The following MED15 variants were observed in gnomAD, a reference collection of about 807,000 sequenced individuals.
MED15 encodes the protein mediator complex subunit 15, also known as mediator of RNA polymerase II transcription subunit 15.
In MED15, 41 loss-of-function variants were observed where a neutral mutation model predicts 118.7. The observed-to-expected ratio is 0.35, with a 90% confidence interval of 0.27 to 0.45. The LOEUF is 0.45. Ranked by LOEUF, MED15 falls within the 20% of genes least tolerant of loss-of-function variation. The pLI, the probability that MED15 is intolerant of heterozygous loss-of-function variation, is 1.00. For missense variants in MED15, 740 were observed against 1,025.5 expected, an observed-to-expected ratio of 0.72 and a Z score of 3.80; for synonymous variants, 436 against 413.9, an observed-to-expected ratio of 1.05 and a Z score of -0.65.
intron 2 of MED15, among the ~76,000 whole-genome samples, chr22:20,545,418 G>A (rs12484159): frequency 0.06 from 8,797 of 147,100 alleles, 601 homozygotes; most frequent in East Asian, 0.38. Flanking sequence ...AGTGGAGGTT[G>A]CAGTGAGCTG....
chr22:20,528,215 A>C (rs1407062726), intron 1 of MED15, among the ~76,000 whole-genome samples: 4 of 152,130 alleles, frequency 2.6e-5, no homozygotes, highest in Admixed American at 2.0e-4. Context: ...AGTCTCTTCC[A>C]GCACGTGGAG....
At chr22:20,578,811 T>G (rs2056895688) in intron 9 of MED15, among the ~76,000 whole-genome samples, 1 of 152,226 alleles carries the variant, frequency 6.6e-6, no homozygotes, top group Non-Finnish European at 1.5e-5. Context: ...GCTCTTTCCT[T>G]GTGGCAACAA....
intron 8 of MED15, among the ~76,000 whole-genome samples, chr22:20,569,819 G>A (rs1460217564): frequency 6.6e-6 from 1 of 152,110 alleles, no homozygotes; most frequent in Non-Finnish European, 1.5e-5. Context: ...GTGTGATGAG[G>A]TTGGAGGTCT....
intron 1 of MED15, chr22:20,508,274 T>C (rs2053941368): frequency 1.5e-6 from 2 of 1,298,528 alleles, no homozygotes; most frequent in African/African-American, 3.0e-5. Context: ...TGCCGAAGGA[T>C]GGCAGGAAGC....
In MED15 at chr22:20,568,625, A is replaced by C; in HGVS notation, c.1146A>C (p.Gly382=). 6.2e-7 allele frequency: 1 copy of C among 1,613,144 alleles called. No individual in the cohort carries two copies. The change falls in exon 8 of 18, where the codon GGA becomes GGC. Residue 382 remains glycine (G), a synonymous_variant. Transcript: ENST00000263205. Reference sequence around the variant, plus strand: ...AGGCTGCCCAGATGGTGGCTCCCGGAGTCCAGGTGAGGGCCTGGGGGTGGA... The same window carrying C: ...AGGCTGCCCAGATGGTGGCTCCCGGCGTCCAGGTGAGGGCCTGGGGGTGGA... The part of the protein sequence containing the change: ...TAQAAQMVAP[G]VQMITEALAQ...
At chr22:20,533,172 G>A (rs1171886877) in intron 1 of MED15, among the ~76,000 whole-genome samples, 3 of 152,100 alleles carry the variant, frequency 2.0e-5, no homozygotes, top group East Asian at 1.9e-4. Flanking sequence ...GCAGCCTCCC[G>A]CAGCGGGTGT....
At chr22:20,586,471 C>T (rs899750677) in intron 17 of MED15, 97 bp from the exon 18 acceptor site, 15 of 1,535,718 alleles carry the variant, frequency 9.8e-6, no homozygotes, top group African/African-American at 1.4e-5. Context: ...TGCTTCGGCC[C>T]GCGCCTGGGG....
chr22:20,568,942 C>T (rs933863012), intron 8 of MED15, among the ~76,000 whole-genome samples: 2 of 152,168 alleles, frequency 1.3e-5, no homozygotes, highest in Admixed American at 1.3e-4. Context: ...GAGTAGAAGG[C>T]TGCAGTTTTC....
chr22:20,514,572 G>A (rs575325842), intron 1 of MED15, among the ~76,000 whole-genome samples: 1 of 152,282 alleles, frequency 6.6e-6, no homozygotes, highest in South Asian at 2.1e-4. Flanking sequence ...GCTGGGGAAG[G>A]ACAGTCCAGT....
Position 20,585,102 on chromosome 22 carries a change from G to A in MED15, c.1966G>A (p.Ala656Thr). Residue 656 changes from alanine (A) to threonine (T), a missense_variant and splice_region_variant, in exon 16 of 18, where the codon GCC becomes ACC. This residue lies in a region of MED15 where 179 missense variants were observed against 259.0 expected (regional missense o/e 0.69). Coordinates refer to ENST00000263205, the MANE Select transcript of MED15 (RefSeq NM_001003891.3). ...GTGGTCACCATGCCGCCTCCCCAGG[G>A]CCCCAGTGGTGTGCACCCGGAAGCG... is the stretch of plus-strand genomic sequence containing the variant. ...MTAIHGPPIT[A>T]PVVCTRKRRL... 1.9e-6 allele frequency: 3 copies of A among 1,613,642 alleles called. No homozygotes were observed. Among genetic ancestry groups the A allele is most frequent in the Non-Finnish European group, 2.5e-6 (3 of 1,179,942 alleles).
chr22:20,575,797 T>C (rs2056808381), intron 9 of MED15, among the ~76,000 whole-genome samples: 1 of 151,744 alleles, frequency 6.6e-6, no homozygotes, highest in African/African-American at 2.4e-5. Flanking sequence ...TCAACTAAAA[T>C]TAAATAAAAT....
chr22:20,532,050 G>C (rs557765916), intron 1 of MED15, among the ~76,000 whole-genome samples: 11 of 152,220 alleles, frequency 7.2e-5, no homozygotes, highest in Non-Finnish European at 1.3e-4. Flanking sequence ...GGTGAGGAGC[G>C]AGGCTCAAAG....
In MED15 at chr22:20,586,999, A is replaced by G; in HGVS notation, c.*295A>G. ...AGGCTGCTCTCACCGTGGCCTGTCC[A>G]CGGTCCAGGTCCATCTCAGCAGCGT... On this transcript the variant is annotated 3_prime_UTR_variant, in exon 18 of 18. Coordinates refer to ENST00000263205, the MANE Select transcript of MED15 (RefSeq NM_001003891.3). The G allele has an allele frequency of 2.0e-6, 1 of 497,868 alleles. No homozygotes were observed. Among genetic ancestry groups the G allele is most frequent in the Non-Finnish European group, 3.7e-6 (1 of 273,480 alleles). 30.8% of individuals were successfully genotyped at this position (497,868 alleles called of 1,614,324 possible).
chr22:20,580,511 C>G (rs1350162540), intron 9 of MED15, among the ~76,000 whole-genome samples: 1 of 152,088 alleles, frequency 6.6e-6, no homozygotes, highest in Non-Finnish European at 1.5e-5. Context: ...GACCTTCAAG[C>G]AGGAAGAGAG....
chr22:20,578,533 A>G (rs1195193643), intron 9 of MED15, among the ~76,000 whole-genome samples: 1 of 152,216 alleles, frequency 6.6e-6, no homozygotes, highest in Non-Finnish European at 1.5e-5. Context: ...TCACCTGACC[A>G]CACCAGGTGG....
rs555977441 is a variant in MED15, at chr22:20,555,633, G to A, written c.451+485G>A. On this transcript the variant is annotated intron_variant, in intron 5 of 17. Transcript: ENST00000263205. ...AGGAGACTCTGTGTCCTCTCCACAC[G>A]GCTGCTGTGGTGGGAAACTGGGCTG... Among the ~76,000 whole-genome samples, 7 of 152,314 alleles carry A rather than the reference G, an allele frequency of 4.6e-5. No homozygotes were observed. In the East Asian group the frequency reaches 9.6e-4, roughly 21 times the overall value.
At chr22:20,585,384 C>A in intron 16 of MED15, 117 bp downstream of exon 16, 1 of 1,348,082 alleles carries the variant, frequency 7.4e-7, no homozygotes, top group Non-Finnish European at 1.0e-6. Context: ...GTTCACGCCC[C>A]GCCAGGCTGT....
chr22:20,578,625 G>T (rs1194760459), intron 9 of MED15, among the ~76,000 whole-genome samples: 1 of 152,170 alleles, frequency 6.6e-6, no homozygotes, highest in Admixed American at 6.5e-5. Context: ...TCTCAGGAAC[G>T]TATCTGTTGA....
At chr22:20,533,241 C>T (rs1013951729) in intron 1 of MED15, among the ~76,000 whole-genome samples, 1 of 152,068 alleles carries the variant, frequency 6.6e-6, no homozygotes, top group Non-Finnish European at 1.5e-5. Context: ...GAAATGGGTA[C>T]CCTCCTGGAG....
Sources: gnomAD v4.1 joint callset for allele counts (sites outside exome capture counted in the v4.1 genomes callset) on GRCh38, gnomAD v4.1.1 for gene constraint, gnomAD v4.1.1 regional missense constraint, MANE v1.5 for transcripts, NCBI Gene and HGNC (gene_info 2026-07-23, HGNC 2026-07-21) for gene names.